The following TRRAP variants were observed in gnomAD, a reference collection of about 807,000 sequenced individuals.
TRRAP encodes transformation/transcription domain associated protein, also known as transformation/transcription domain-associated protein.
Under a neutral mutation model 438.8 loss-of-function variants are expected in TRRAP, and 41 were observed. The ratio of observed to expected loss-of-function variants is 0.09; its 90% CI spans 0.07 to 0.12. The LOEUF is 0.12. Among genes scored for constraint, TRRAP ranks in the 10% least tolerant of loss-of-function variants. The pLI is 1.00. For missense variants in TRRAP, 3,122 were observed against 5,055.1 expected (o/e 0.62, Z 11.60); for synonymous variants, 1,994 against 1,962.9 (o/e 1.02, Z -0.42).
At chr7:98,912,845 C>T (rs1789337599) in intron 18 of TRRAP, among the ~76,000 whole-genome samples, 2 of 151,934 alleles carry the variant, frequency 1.3e-5, no homozygotes, top group Non-Finnish European at 2.9e-5. Context: ...GAAAAAAAAA[C>T]ATCTTTATTG....
chr7:98,930,303 G>A (rs528741317), intron 24 of TRRAP, 97 bp downstream of exon 24: 11 of 1,431,706 alleles, frequency 7.7e-6, no homozygotes, highest in South Asian at 6.6e-5. Flanking sequence ...GCGGCCAGAC[G>A]CAGTGGCTCA....
In TRRAP at chr7:99,011,618, A is replaced by C; in HGVS notation, c.11337+83A>C. On this transcript the variant is annotated intron_variant, in intron 72 of 72. Transcript: ENST00000456197. The surrounding 1 kb of genome is among the most constrained non-coding windows in gnomAD (Gnocchi z 7.1). Reference sequence around the variant, plus strand: ...CGTCACGGCCTTGCAGGAGCTGCTGATGTGCCTCACGGGCTCTGCGCTCTC... The same window carrying C: ...CGTCACGGCCTTGCAGGAGCTGCTGCTGTGCCTCACGGGCTCTGCGCTCTC... 1 of 1,496,574 alleles carries C rather than the reference A, an allele frequency of 6.7e-7. No homozygotes were observed. The highest frequency in any genetic ancestry group is 9.0e-7 in the Non-Finnish European group (1 of 1,109,264). The allele number at this position is 1,496,574 out of a possible 1,614,324, so 92.7% of individuals were successfully genotyped here. A position where few individuals can be genotyped will look rare whatever the true frequency, so the allele number is the denominator to read the frequency against.
Position 98,925,273 on chromosome 7 carries a change from C to T in TRRAP, c.2975+10C>T, listed in dbSNP as rs143866811. Reference sequence around the variant, plus strand: ...TCCTGGCACACCCCAAGTATGTCGGCCACTTCCTTCTGTGTGGTTGGGTGG... The same window carrying T: ...TCCTGGCACACCCCAAGTATGTCGGTCACTTCCTTCTGTGTGGTTGGGTGG... On this transcript the variant is annotated intron_variant, in intron 22 of 72. Coordinates refer to ENST00000456197, the MANE Select transcript of TRRAP (RefSeq NM_001375524.1). 682 of 1,612,594 alleles carry T rather than the reference C, an allele frequency of 4.2e-4. 1 individual carries two copies. In the African/African-American group the frequency reaches 8.3e-3, roughly 20 times the overall value.
chr7:98,946,075 A>G (rs1554416735), intron 33 of TRRAP, 125 bp downstream of exon 33: 2 of 1,000,432 alleles, frequency 2.0e-6, no homozygotes, highest in African/African-American at 1.7e-5. Flanking sequence ...AGTGACCTGT[A>G]TTGTCTGTCT....
chr7:98,992,270 C>T, intron 65 of TRRAP, 43 bp downstream of exon 65: 2 of 1,602,560 alleles, frequency 1.2e-6, no homozygotes, highest in Non-Finnish European at 1.7e-6. Flanking sequence ...GGGAAGGGCT[C>T]ATTCCAGGGG....
At chr7:98,963,348 A>C (rs772562446) in intron 47 of TRRAP, among the ~76,000 whole-genome samples, 8 of 152,064 alleles carry the variant, frequency 5.3e-5, no homozygotes, top group Non-Finnish European at 1.0e-4. Flanking sequence ...TCTTTTTTTA[A>C]GTGGAGTCAC....
At chr7:98,910,002 G>T in intron 14 of TRRAP, 54 bp from the exon 15 acceptor site, 1 of 1,520,922 alleles carries the variant, frequency 6.6e-7, no homozygotes. Context: ...GCAGTATTTG[G>T]CCTGTTGAAG....
In TRRAP at chr7:98,911,097, A is replaced by C. The variant is rs782735771; in HGVS notation, c.1833A>C (p.Gly611=). The C allele has an allele frequency of 6.8e-6, 11 of 1,614,026 alleles. No individual in the cohort carries two copies. The East Asian group carries it at 2.5e-4, about 36-fold the overall frequency. ...DIYQVQIAGN[G]QTYIRVANCQ... ...ATTAGGTCCAGATAGCAGGAAATGGACAGACATACATCCGTGTGGCCAACT... is the reference window on the plus strand; with the variant it reads ...ATTAGGTCCAGATAGCAGGAAATGGCCAGACATACATCCGTGTGGCCAACT... The change falls in exon 17 of 73, where the codon GGA becomes GGC. Residue 611 remains glycine (G), a synonymous_variant. Transcript: ENST00000456197.
At chr7:98,978,183 G>A (rs1792756464) in intron 56 of TRRAP, 28 bp from the exon 57 acceptor site, 1 of 1,564,420 alleles carries the variant, frequency 6.4e-7, no homozygotes, top group African/African-American at 1.4e-5. Context: ...TAGTTAAACA[G>A]TGATTTAAAA....
chr7:98,898,876 T>C lies in TRRAP; in HGVS notation c.634-546T>C, dbSNP rs573918925. Among the ~76,000 whole-genome samples the C allele has an allele frequency of 2.6e-4, 40 of 152,300 alleles. 1 individual carries two copies. The highest frequency in any genetic ancestry group is 9.4e-4 in the African/African-American group (39 of 41,570). The stretch of plus-strand genomic sequence containing the variant: ...CATAGTTTCCTGAACTTTTTACAAA[T>C]GATTATGTAGAAAAATATGCAAACC... On this transcript the variant is annotated intron_variant, in intron 8 of 72. Coordinates refer to ENST00000456197, the MANE Select transcript of TRRAP (RefSeq NM_001375524.1).
chr7:98,896,859 C>T (rs1460921260), intron 7 of TRRAP, among the ~76,000 whole-genome samples: 2 of 152,170 alleles, frequency 1.3e-5, no homozygotes, highest in Non-Finnish European at 2.9e-5. Flanking sequence ...CGCTGCTTTT[C>T]ATAGGCAGCT....
chr7:98,985,116 C>A, intron 62 of TRRAP, 72 bp downstream of exon 62: 1 of 1,138,378 alleles, frequency 8.8e-7, no homozygotes, highest in Non-Finnish European at 1.3e-6. Flanking sequence ...TAACCTGAAG[C>A]CAATGTGAAG....
chr7:98,896,971 A>C lies in TRRAP; in HGVS notation c.508-770A>C, dbSNP rs182483274. 7.5e-3 allele frequency among the ~76,000 whole-genome samples: 1,142 copies of C among 151,966 alleles called. 16 individuals carry two copies. Among genetic ancestry groups the C allele is most frequent in the African/African-American group, 0.026 (1,091 of 41,444 alleles). Reference sequence around the variant, plus strand: ...GTGTTTTGGCCAGGGGCAGTGGCTCACCCCTGCAATCCCAGTACTTTGGGA... The same window carrying C: ...GTGTTTTGGCCAGGGGCAGTGGCTCCCCCCTGCAATCCCAGTACTTTGGGA... On this transcript the variant is annotated intron_variant, in intron 7 of 72. Transcript: ENST00000456197.
At position 98,930,768 on chromosome 7, in the gene TRRAP, C is replaced by T. The variant is rs868949321; in HGVS notation, c.3529C>T (p.Leu1177Phe). The change falls in exon 25 of 73, where the codon CTC (leucine) becomes TTC (phenylalanine). Residue 1177 changes from leucine (L) to phenylalanine (F), a missense_variant. Transcript: ENST00000456197. Reference sequence around the variant, plus strand: ...GGAGCGGCTGCCTCTCACTTGGGTTCTCCAGAACCAGCAGACATTCCTGAA... The same window carrying T: ...GGAGCGGCTGCCTCTCACTTGGGTTTTCCAGAACCAGCAGACATTCCTGAA... ...LMERLPLTWV[L>F]QNQQTFLKAL... is the part of the protein sequence containing the mutation. 5 of 1,614,108 alleles carry T rather than the reference C, an allele frequency of 3.1e-6. No individual in the cohort carries two copies. Among genetic ancestry groups the T allele is most frequent in the Non-Finnish European group, 4.2e-6 (5 of 1,180,058 alleles).
chr7:98,974,129 T>C (rs1030882455), intron 53 of TRRAP, among the ~76,000 whole-genome samples: 2 of 152,132 alleles, frequency 1.3e-5, no homozygotes, highest in African/African-American at 4.8e-5. Flanking sequence ...GAAGTGCTAA[T>C]CCCTCAGGAG....
At chr7:98,885,254 ATTT>A (rs35480952) in intron 3 of TRRAP, among the ~76,000 whole-genome samples, 1 of 147,366 alleles carries the variant, frequency 6.8e-6, no homozygotes, top group African/African-American at 2.5e-5. Context: ...TGCTTGGCTA[ATTT>A]TTTTTTTTTT....
chr7:98,953,331 G>T lies in TRRAP; in HGVS notation c.5628G>T (p.Leu1876=). ...TCATGACCTTCGCCTGGCCCTGCCT[G>T]CTCTCCAAGGCCTGCGTGGACCCAG... is the stretch of plus-strand genomic sequence containing the variant. The part of the protein sequence containing the change: ...RRLMTFAWPC[L]LSKACVDPAC... Residue 1876 remains leucine (L), a synonymous_variant, in exon 40 of 73, where the codon CTG becomes CTT. Coordinates refer to ENST00000456197, the MANE Select transcript of TRRAP (RefSeq NM_001375524.1). 1 of 1,613,948 alleles carries T rather than the reference G, an allele frequency of 6.2e-7. No individual in the cohort carries two copies. The highest frequency in any genetic ancestry group is 8.5e-7 in the Non-Finnish European group (1 of 1,180,034).
chr7:98,974,511 C>T (rs909738150), intron 53 of TRRAP, among the ~76,000 whole-genome samples: 1 of 152,072 alleles, frequency 6.6e-6, no homozygotes, highest in African/African-American at 2.4e-5. Context: ...GGGGCCACCA[C>T]GGGGTCCTCA....
intron 49 of TRRAP, among the ~76,000 whole-genome samples, chr7:98,966,497 C>A (rs907645379): frequency 6.6e-6 from 1 of 150,546 alleles, no homozygotes; most frequent in Admixed American, 6.6e-5. Context: ...CCAGCCTGGC[C>A]AACATGGTGA....
Sources: gnomAD v4.1 joint callset for allele counts (sites outside exome capture counted in the v4.1 genomes callset) on GRCh38, gnomAD v4.1.1 for gene constraint, Gnocchi (gnomAD v3.1) non-coding constraint, MANE v1.5 for transcripts, NCBI Gene and HGNC (gene_info 2026-07-23, HGNC 2026-07-21) for gene names.